Variants in HEG1 observed in about 807,000 individuals in gnomAD.
HEG1 encodes heart development protein with EGF like domains 1.
HEG1 carries 56 observed loss-of-function variants against 125.6 expected under a neutral mutation model. The observed-to-expected ratio is 0.45, with a 90% CI of 0.36 to 0.56. HEG1 has a LOEUF of 0.56. HEG1 is among the 20% of genes least tolerant of loss of function. HEG1 has a pLI of 0.00. For synonymous variants in HEG1, 644 were observed against 668.5 expected (o/e 0.96, Z 0.57); for missense variants, 1,523 against 1,670.0 (o/e 0.91, Z 1.53).
chr3:125,036,831 C>T (rs1937551974), intron 1 of HEG1, among the ~76,000 whole-genome samples: 1 of 152,182 alleles, frequency 6.6e-6, no homozygotes, highest in East Asian at 1.9e-4. Context: ...ATCACAGGTA[C>T]TTTCATACGA....
Position 125,001,852 on chromosome 3 carries a change from C to T in HEG1, c.3517G>A (p.Ala1173Thr). ...TCCTCCCAGAGGGCTGCCCTCTTACCTCTAAAGATCCGCCTCTGAGATCCC... is the reference window on the plus strand; with the variant it reads ...TCCTCCCAGAGGGCTGCCCTCTTACTTCTAAAGATCCGCCTCTGAGATCCC... ...LLGSQRRIFR[A>T]GSLCKRKSPE... is the part of the protein sequence containing the mutation. The change falls in exon 11 of 17, where the codon GCG (alanine) becomes ACG (threonine). Residue 1173 changes from alanine to threonine, a missense_variant and splice_region_variant. By Grantham distance (58) the Ala-to-Thr change is moderately conservative. Coordinates refer to ENST00000311127, the MANE Select transcript of HEG1 (RefSeq NM_020733.2). The T allele has an allele frequency of 6.2e-7, 1 of 1,612,072 alleles. No individual in the cohort carries two copies. The highest frequency in any genetic ancestry group is 8.5e-7 in the Non-Finnish European group (1 of 1,179,166).
chr3:125,036,712 A>G (rs1937551235), intron 1 of HEG1, among the ~76,000 whole-genome samples: 1 of 152,354 alleles, frequency 6.6e-6, no homozygotes, highest in Middle Eastern at 3.4e-3. Context: ...ACATGAAAGC[A>G]TTGTTGAAAA....
In HEG1 at chr3:125,055,929, G is replaced by A. The variant is rs918240529; in HGVS notation, c.-39C>T. The A allele has an allele frequency of 1.9e-5, 18 of 950,262 alleles. No individual in the cohort carries two copies. Among genetic ancestry groups the A allele is most frequent in the African/African-American group, 1.9e-5 (1 of 51,744 alleles). The allele number at this position is 950,262 out of a possible 1,614,324, so 58.9% of individuals were successfully genotyped here. A position where few individuals can be genotyped will look rare whatever the true frequency, so the allele number is the denominator to read the frequency against. ...GCCCGCGCTCACATGCCCGGCGCGC[G>A]GGGCGAGGGCAGCGGGCAGCGGGCA... is the stretch of plus-strand genomic sequence containing the variant. On this transcript the variant is annotated 5_prime_UTR_variant, in exon 1 of 17. Coordinates refer to ENST00000311127, the MANE Select transcript of HEG1 (RefSeq NM_020733.2).
At position 124,976,610 on chromosome 3, in the gene HEG1, C is replaced by T. The variant is rs573233308; in HGVS notation, c.3821+1249G>A. Among the ~76,000 whole-genome samples the T allele has an allele frequency of 5.3e-5, 8 of 152,034 alleles. No individual in the cohort carries two copies. In the East Asian group the frequency reaches 5.8e-4, roughly 11 times the overall value. On this transcript the variant is annotated intron_variant, in intron 15 of 16. Transcript: ENST00000311127. ...GTTGACCATCTTTTCGTGTGTGCCA[C>T]GATCGGGATATAGTTTGTCCCCACC...
At chr3:125,019,237 A>C in intron 5 of HEG1, 25 bp downstream of exon 5, 1 of 1,574,372 alleles carries the variant, frequency 6.4e-7, no homozygotes, top group Non-Finnish European at 8.7e-7. Flanking sequence ...TATGGGGCAC[A>C]GTTGCATGAA....
rs771758644 is a variant in HEG1, at chr3:125,019,631, A to G, written c.1253-34T>C. 14 of 1,558,460 alleles carry G rather than the reference A, an allele frequency of 9.0e-6. No individual in the cohort carries two copies. The African/African-American group carries it at 1.2e-4, about 14-fold the overall frequency. On this transcript the variant is annotated intron_variant, in intron 4 of 16. Coordinates refer to ENST00000311127, the MANE Select transcript of HEG1 (RefSeq NM_020733.2). ...TAATATAGGAAAAAAAGGCCATTAC[A>G]TAGGTATGAAAGAGATCCCTTGGCA... is the stretch of plus-strand genomic sequence containing the variant.
chr3:125,037,700 A>G (rs901037069), intron 1 of HEG1, among the ~76,000 whole-genome samples: 4 of 152,226 alleles, frequency 2.6e-5, no homozygotes, highest in Non-Finnish European at 5.9e-5. Flanking sequence ...CTCCTTAGTC[A>G]GTGGGTACCA....
At chr3:125,028,371 C>T (rs577803157) in intron 2 of HEG1, among the ~76,000 whole-genome samples, 14 of 152,320 alleles carry the variant, frequency 9.2e-5, no homozygotes, top group Non-Finnish European at 1.6e-4. Context: ...CGCAATGGTC[C>T]TACCTGTTCC....
intron 14 of HEG1, among the ~76,000 whole-genome samples, chr3:124,989,392 A>C (rs1936793247): frequency 6.6e-6 from 1 of 152,196 alleles, no homozygotes; most frequent in African/African-American, 2.4e-5. Flanking sequence ...CCTTCTAGTA[A>C]ACTTATAAAA....
chr3:125,043,187 C>T (rs1397348060), intron 1 of HEG1, among the ~76,000 whole-genome samples: 2 of 152,220 alleles, frequency 1.3e-5, no homozygotes, highest in African/African-American at 2.4e-5. Flanking sequence ...TGTGAGGGGT[C>T]GGCTCTTGTT....
intron 6 of HEG1, among the ~76,000 whole-genome samples, chr3:125,012,180 A>G (rs1937165292): frequency 1.3e-5 from 2 of 152,184 alleles, no homozygotes; most frequent in Admixed American, 1.3e-4. Flanking sequence ...AGACTCTGGG[A>G]TCTGATCCAG....
At chr3:125,015,510 C>G (rs924617998) in intron 5 of HEG1, among the ~76,000 whole-genome samples, 1 of 152,180 alleles carries the variant, frequency 6.6e-6, no homozygotes, top group Non-Finnish European at 1.5e-5. Flanking sequence ...AAAGAAACAG[C>G]CTGAGGTGGG....
intron 11 of HEG1, among the ~76,000 whole-genome samples, 154 bp downstream of exon 11, chr3:125,001,698 T>C (rs952081995): frequency 6.6e-6 from 1 of 152,226 alleles, no homozygotes; most frequent in African/African-American, 2.4e-5. Context: ...TAAAAGAAGA[T>C]GCATGTGCAC....
In HEG1 at chr3:125,012,722, T is replaced by G. The variant is rs545114767; in HGVS notation, c.2857A>C (p.Thr953Pro). ...SLGTSPSPQT[T>P]VVSTAEDLAP... ...AAGTCTTCAGCCGTGGAAACAACTGTGGTTTGGGGAGAAGGAGATGTTCCG... is the reference window on the plus strand; with the variant it reads ...AAGTCTTCAGCCGTGGAAACAACTGGGGTTTGGGGAGAAGGAGATGTTCCG... Residue 953 changes from threonine to proline, a missense_variant, in exon 6 of 17, where the codon ACA becomes CCA. Transcript: ENST00000311127. 1 of 1,613,890 alleles carries G rather than the reference T, an allele frequency of 6.2e-7. No homozygotes were observed. The highest frequency in any genetic ancestry group is 1.1e-5 in the South Asian group (1 of 91,068).
intron 3 of HEG1, among the ~76,000 whole-genome samples, chr3:125,026,118 G>A (rs1302986971): frequency 6.6e-5 from 10 of 152,248 alleles, no homozygotes; most frequent in South Asian, 2.1e-4. Flanking sequence ...CCTATGGTAC[G>A]AGGATGAAAA....
At chr3:125,050,053 C>A (rs1937768410) in intron 1 of HEG1, among the ~76,000 whole-genome samples, 1 of 152,112 alleles carries the variant, frequency 6.6e-6, no homozygotes, top group Admixed American at 6.5e-5. Context: ...TTTTCTCCAG[C>A]CTTACTGACT....
In HEG1 at chr3:125,008,294, AT is replaced by A. The variant is rs1343701929; in HGVS notation, c.3193+1410del. On this transcript the variant is annotated intron_variant, in intron 8 of 16. Coordinates refer to ENST00000311127, the MANE Select transcript of HEG1 (RefSeq NM_020733.2). Reference sequence around the variant, plus strand: ...AACAATGTTTTGACTTGATCTTTGTATTTTAAACAATTTTCAAAATTCTACC... The same window carrying A: ...AACAATGTTTTGACTTGATCTTTGTATTTAAACAATTTTCAAAATTCTACC... Among the ~76,000 whole-genome samples the A allele has an allele frequency of 3.3e-5, 5 of 152,292 alleles. No homozygotes were observed. In the South Asian group the frequency reaches 8.3e-4, roughly 25 times the overall value.
intron 1 of HEG1, among the ~76,000 whole-genome samples, chr3:125,047,407 C>T (rs1367617605): frequency 6.6e-6 from 1 of 152,164 alleles, no homozygotes; most frequent in Non-Finnish European, 1.5e-5. Flanking sequence ...ACTAATAGCC[C>T]ATTTGACAGA....
intron 7 of HEG1, 46 bp from the exon 8 acceptor site, chr3:125,009,870 G>T (rs748081158): frequency 2.5e-6 from 4 of 1,571,388 alleles, no homozygotes; most frequent in African/African-American, 1.3e-5. Context: ...GTAGCAAACA[G>T]CAAAACCATA....
Sources: allele counts gnomAD v4.1 joint callset (sites outside exome capture counted in the v4.1 genomes callset), GRCh38; gene constraint gnomAD v4.1.1; transcripts MANE v1.5; gene names NCBI Gene and HGNC (gene_info 2026-07-23, HGNC 2026-07-21).